The following KCNC1 variants were observed in gnomAD, a reference collection of about 807,000 sequenced individuals.
The protein encoded by KCNC1 is potassium voltage-gated channel subfamily C member 1.
Under a neutral mutation model 43.4 loss-of-function variants are expected in KCNC1, and 8 were observed. That is an observed-to-expected ratio of 0.18 (90% confidence interval 0.11 to 0.33). The LOEUF is 0.33. Among genes scored for constraint, KCNC1 ranks in the 10% least tolerant of loss-of-function variants. The pLI is 1.00. For synonymous variants in KCNC1, 361 were observed against 360.5 expected, an observed-to-expected ratio of 1.00 and a Z score of -0.01; for missense variants, 420 against 836.0, an observed-to-expected ratio of 0.50 and a Z score of 6.14.
intron 2 of KCNC1, among the ~76,000 whole-genome samples, chr11:17,778,848 C>G (rs1013958458): frequency 1.7e-5 from 1 of 59,644 alleles, no homozygotes; most frequent in African/African-American, 7.3e-5. Context: ...CGGGGGGGTA[C>G]GGGCGCAGGC....
In KCNC1 at chr11:17,736,551, G is replaced by T. The variant is rs1565152891; in HGVS notation, c.549G>T (p.Pro183=). The T allele has an allele frequency of 1.2e-5, 18 of 1,557,920 alleles. No homozygotes were observed. In the Middle Eastern group the frequency reaches 5.1e-4, roughly 45 times the overall value. ...GCATCTGGGCGCTCTTCGAGGACCC[G>T]TACTCGTCCCGCTACGCGCGGGTAA... ...QPRIWALFED[P]YSSRYARYVA... Residue 183 remains proline, a synonymous_variant, in exon 1 of 4, where the codon CCG becomes CCT. Coordinates refer to ENST00000265969, the MANE Select transcript of KCNC1 (RefSeq NM_001112741.2). The surrounding 1 kb of genome is among the most constrained non-coding windows in gnomAD (Gnocchi z 9.3).
intron 1 of KCNC1, among the ~76,000 whole-genome samples, chr11:17,764,933 C>T (rs902978827): frequency 2.6e-5 from 4 of 152,186 alleles, no homozygotes; most frequent in Non-Finnish European, 4.4e-5. Context: ...TCACTGACTC[C>T]GCATGGATTA....
Position 17,766,967 on chromosome 11 carries a change from CA to C in KCNC1, c.571-4681del, listed in dbSNP as rs33931057. On this transcript the variant is annotated intron_variant, in intron 1 of 3. Transcript: ENST00000265969. ...AAACCCCATCTCTACTAAAAAATAC[CA>C]AAAAAAAAAAAAAAAATTAGCCGGG... Among the ~76,000 whole-genome samples, 1,203 of 133,230 alleles carry C rather than the reference CA, an allele frequency of 9.0e-3. 9 individuals are homozygous for C. The highest frequency in any genetic ancestry group is 0.023 in the Middle Eastern group (6 of 260). 87.4% of individuals were successfully genotyped at this position (133,230 alleles called of 152,430 possible).
chr11:17,774,182 C>T (rs12574348), intron 2 of KCNC1: 114,373 of 985,370 alleles, frequency 0.12, 6,957 homozygotes, highest in South Asian at 0.22. Context: ...CAGGGGTCTC[C>T]GAGGCTGAAA....
At chr11:17,744,597 G>A (rs771461207) in intron 1 of KCNC1, among the ~76,000 whole-genome samples, 1 of 152,106 alleles carries the variant, frequency 6.6e-6, no homozygotes, top group Non-Finnish European at 1.5e-5. Flanking sequence ...CCTTCTCTTC[G>A]CTTCCTGCCC....
chr11:17,770,545 G>A (rs547664387), intron 1 of KCNC1, among the ~76,000 whole-genome samples: 43 of 152,320 alleles, frequency 2.8e-4, no homozygotes, highest in African/African-American at 1.0e-3. Context: ...AGGAGGGTTT[G>A]AAACTCAGAA....
intron 1 of KCNC1, among the ~76,000 whole-genome samples, chr11:17,756,311 T>C (rs1849021555): frequency 6.6e-6 from 1 of 152,088 alleles, no homozygotes; most frequent in African/African-American, 2.4e-5. Context: ...TTTGCTTGTA[T>C]GGTTAATTGA....
chr11:17,772,433 A>G lies in KCNC1; in HGVS notation c.1339A>G (p.Met447Val), dbSNP rs1288005308. The G allele has an allele frequency of 6.2e-7, 1 of 1,614,046 alleles. No individual in the cohort carries two copies. The highest frequency in any genetic ancestry group is 1.3e-5 in the African/African-American group (1 of 74,914). ...NNFGMYYSLA[M>V]AKQKLPKKKK... ...TTTCGGGATGTATTACTCCTTAGCC[A>G]TGGCTAAGCAGAAACTACCAAAGAA... Residue 447 changes from methionine to valine, a missense_variant, in exon 2 of 4, where the codon ATG (methionine) becomes GTG (valine). Met to Val is a conservative substitution (Grantham distance 21). Around this residue, in one of 5 missense-constraint regions of KCNC1, gnomAD observed 58 missense variants for 256.9 expected, o/e 0.23. Transcript: ENST00000265969.
chr11:17,746,322 G>A (rs1288059700), intron 1 of KCNC1, among the ~76,000 whole-genome samples: 4 of 152,112 alleles, frequency 2.6e-5, no homozygotes, highest in South Asian at 2.1e-4. Flanking sequence ...CTGTCTTTTC[G>A]AACTTCTTCT....
rs1849297662 is a variant in KCNC1, at chr11:17,777,256, C to A, written c.1505-2200C>A. ...GGCAGAGGCAGAGAGAAGGCACCCCCCTCTGACCCACCCCTCCCCAGGCAA... is the reference window on the plus strand; with the variant it reads ...GGCAGAGGCAGAGAGAAGGCACCCCACTCTGACCCACCCCTCCCCAGGCAA... On this transcript the variant is annotated intron_variant, in intron 2 of 3. Coordinates refer to ENST00000265969, the MANE Select transcript of KCNC1 (RefSeq NM_001112741.2). This position sits in a 1 kb window ranked among gnomAD's most constrained non-coding sequence, Gnocchi z 4.3. 5.1e-6 allele frequency: 5 copies of A among 985,808 alleles called. No homozygotes were observed. Among genetic ancestry groups the A allele is most frequent in the Non-Finnish European group, 6.0e-6 (5 of 830,002 alleles). The allele number at this position is 985,808 out of a possible 1,614,324, so 61.1% of individuals were successfully genotyped here. A position where few individuals can be genotyped will look rare whatever the true frequency, so the allele number is the denominator to read the frequency against.
At position 17,771,334 on chromosome 11, in the gene KCNC1, A is replaced by G. The variant is rs1849225000; in HGVS notation, c.571-331A>G. On this transcript the variant is annotated intron_variant, in intron 1 of 3. Transcript: ENST00000265969. This position sits in a 1 kb window ranked among gnomAD's most constrained non-coding sequence, Gnocchi z 4.7. The stretch of plus-strand genomic sequence containing the variant: ...CACAATGGAAATTTATTTCCCACTC[A>G]GGTAACAGTTCAATGTGGGTATGTG... Among the ~76,000 whole-genome samples the G allele has an allele frequency of 6.6e-6, 1 of 152,210 alleles. No individual in the cohort carries two copies. The highest frequency in any genetic ancestry group is 1.5e-5 in the Non-Finnish European group (1 of 68,038).
Position 17,772,495 on chromosome 11 carries a change from A to G in KCNC1, c.1401A>G (p.Gly467=). 6.2e-7 allele frequency: 1 copy of G among 1,614,172 alleles called. No individual in the cohort carries two copies. The highest frequency in any genetic ancestry group is 8.5e-7 in the Non-Finnish European group (1 of 1,180,036). The change falls in exon 2 of 4, where the codon GGA becomes GGG. Residue 467 remains glycine (G), a synonymous_variant. Coordinates refer to ENST00000265969, the MANE Select transcript of KCNC1 (RefSeq NM_001112741.2). The part of the protein sequence containing the change: ...KKHIPRPPQL[G]SPNYCKSVVN... ...ATATTCCGCGGCCACCGCAGCTGGG[A>G]TCTCCCAATTATTGTAAATCTGTCG...
intron 1 of KCNC1, among the ~76,000 whole-genome samples, chr11:17,740,607 A>G (rs1448771513): frequency 6.6e-6 from 1 of 152,098 alleles, no homozygotes; most frequent in Non-Finnish European, 1.5e-5. Context: ...CATCAGGGCC[A>G]ATGGTGGTCC....
At chr11:17,740,607 A>C (rs1448771513) in intron 1 of KCNC1, among the ~76,000 whole-genome samples, 1 of 152,098 alleles carries the variant, frequency 6.6e-6, no homozygotes, top group Non-Finnish European at 1.5e-5. Context: ...CATCAGGGCC[A>C]ATGGTGGTCC....
At chr11:17,758,863 A>G (rs773831016) in intron 1 of KCNC1, among the ~76,000 whole-genome samples, 1 of 152,208 alleles carries the variant, frequency 6.6e-6, no homozygotes, top group African/African-American at 2.4e-5. Flanking sequence ...TCTTAAGGGC[A>G]CTGGGACTCA....
chr11:17,777,445 TCC>T lies in KCNC1; in HGVS notation c.1505-2010_1505-2009del. The T allele has an allele frequency of 1.0e-6, 1 of 985,896 alleles. No homozygotes were observed. The highest frequency in any genetic ancestry group is 1.2e-6 in the Non-Finnish European group (1 of 829,972). 61.1% of individuals were successfully genotyped at this position (985,896 alleles called of 1,614,324 possible). A position where few individuals can be genotyped will look rare whatever the true frequency, so the allele number is the denominator to read the frequency against. The stretch of plus-strand genomic sequence containing the variant: ...ATGGGCCTCAACCCCCACATCGTCA[TCC>T]GCGTCCTCTCCATACTGTTTCCCTC... On this transcript the variant is annotated intron_variant, in intron 2 of 3. Transcript: ENST00000265969. The surrounding 1 kb of genome is among the most constrained non-coding windows in gnomAD (Gnocchi z 4.3).
chr11:17,760,509 T>G (rs1300112380), intron 1 of KCNC1, among the ~76,000 whole-genome samples: 1 of 152,176 alleles, frequency 6.6e-6, no homozygotes. Flanking sequence ...GGCTCCTGAT[T>G]GGTCCTTCTG....
chr11:17,747,180 G>A (rs188145491), intron 1 of KCNC1, among the ~76,000 whole-genome samples: 29 of 152,206 alleles, frequency 1.9e-4, no homozygotes, highest in East Asian at 1.4e-3. Context: ...CTTCAGAGGC[G>A]TCACCCTGGG....
Position 17,781,824 on chromosome 11 carries a change from C to A in KCNC1, c.*90C>A. The A allele has an allele frequency of 1.1e-6, 1 of 922,110 alleles. No individual in the cohort carries two copies. Among genetic ancestry groups the A allele is most frequent in the Non-Finnish European group, 1.7e-6 (1 of 582,754 alleles). 57.1% of individuals were successfully genotyped at this position (922,110 alleles called of 1,614,324 possible). A position where few individuals can be genotyped will look rare whatever the true frequency, so the allele number is the denominator to read the frequency against. On this transcript the variant is annotated 3_prime_UTR_variant, in exon 4 of 4. Transcript: ENST00000265969. This position sits in a 1 kb window ranked among gnomAD's most constrained non-coding sequence, Gnocchi z 5.1. ...CACCCTCGGACAGAGTAAATTCACG[C>A]CATGCAGGTTTGCCGGACGAGTCCG...
Sources: allele counts gnomAD v4.1 joint callset (sites outside exome capture counted in the v4.1 genomes callset), GRCh38; gene constraint gnomAD v4.1.1; regional missense constraint gnomAD v4.1.1; non-coding constraint Gnocchi (gnomAD v3.1); transcripts MANE v1.5; gene names NCBI Gene and HGNC (gene_info 2026-07-23, HGNC 2026-07-21).